The following NOX5 variants were observed in gnomAD, a reference collection of about 807,000 sequenced individuals.
NOX5 encodes the protein NADPH oxidase 5.
A neutral mutation model predicts 85.7 loss-of-function variants in NOX5; 76 were observed. The ratio of observed to expected loss-of-function variants is 0.89; its 90% CI spans 0.74 to 1.07. The LOEUF (loss-of-function observed/expected upper bound fraction) is 1.07, where lower values mean the gene tolerates loss of function less well. NOX5 is among the 50% of genes least tolerant of loss of function. The pLI, the probability that NOX5 is intolerant of heterozygous loss-of-function variation, is 0.00. For synonymous variants in NOX5, 405 were observed against 401.4 expected (o/e 1.01, Z -0.11); for missense variants, 973 against 999.5 (o/e 0.97, Z 0.36).
intron 14 of NOX5, among the ~76,000 whole-genome samples, chr15:69,052,524 A>G (rs1467232714): frequency 6.6e-6 from 1 of 152,238 alleles, no homozygotes; most frequent in Non-Finnish European, 1.5e-5. Flanking sequence ...GAATTGGCAT[A>G]GTGTTTTAGA....
At position 69,049,457 on chromosome 15, in the gene NOX5, G is replaced by A. The variant is rs547028690; in HGVS notation, c.1999+399G>A. Among the ~76,000 whole-genome samples the A allele has an allele frequency of 2.5e-4, 38 of 152,044 alleles. No homozygotes were observed. In the South Asian group the frequency reaches 7.9e-3, roughly 32 times the overall value. The stretch of plus-strand genomic sequence containing the variant: ...ATTCCATTTCTGGAGAAGTAGGATG[G>A]GGGGAGATTCTATTAAAATGTAACA... On this transcript the variant is annotated intron_variant, in intron 14 of 15. Coordinates refer to ENST00000388866, the MANE Select transcript of NOX5 (RefSeq NM_024505.4).
In NOX5 at chr15:69,061,111, T is replaced by A. The variant is rs2050867233; in HGVS notation, c.*4415T>A. 2.0e-5 allele frequency: 3 copies of A among 152,288 alleles called. No individual in the cohort carries two copies. The South Asian group carries it at 6.2e-4, about 31-fold the overall frequency. 9.4% of individuals were successfully genotyped at this position (152,288 alleles called of 1,614,324 possible). A position where few individuals can be genotyped will look rare whatever the true frequency, so the allele number is the denominator to read the frequency against. On this transcript the variant is annotated 3_prime_UTR_variant, in exon 16 of 16. Transcript: ENST00000388866. ...ATGTGATATTTTACTTTTTAATTTA[T>A]GTACTTTTGTATGGCTTGTATCTAT...
intron 14 of NOX5, among the ~76,000 whole-genome samples, 190 bp from the exon 15 acceptor site, chr15:69,055,144 T>G (rs947633206): frequency 6.6e-6 from 1 of 152,220 alleles, no homozygotes; most frequent in African/African-American, 2.4e-5. Context: ...ATGTGTGCCA[T>G]GTACATAGTA....
At chr15:69,031,852 C>A in intron 4 of NOX5, 40 bp downstream of exon 4, 1 of 1,553,502 alleles carries the variant, frequency 6.4e-7, no homozygotes, top group Non-Finnish European at 8.8e-7. Flanking sequence ...TCCACGGCGG[C>A]GTTAGACTCC....
chr15:69,049,108 C>T, intron 14 of NOX5, 50 bp downstream of exon 14: 1 of 1,200,534 alleles, frequency 8.3e-7, no homozygotes, highest in Non-Finnish European at 1.2e-6. Context: ...CAGGGGCCTT[C>T]AGCTTCTTTA....
chr15:69,027,007 T>C (rs1282692654), intron 2 of NOX5, among the ~76,000 whole-genome samples: 10 of 152,190 alleles, frequency 6.6e-5, no homozygotes, highest in African/African-American at 2.4e-4. Context: ...TGGCACACTG[T>C]TCCCAGTCCT....
chr15:69,056,796 A>C lies in NOX5; in HGVS notation c.*100A>C. The C allele has an allele frequency of 6.9e-7, 1 of 1,452,300 alleles. No individual in the cohort carries two copies. The allele number at this position is 1,452,300 out of a possible 1,614,324, so 90.0% of individuals were successfully genotyped here. On this transcript the variant is annotated 3_prime_UTR_variant, in exon 16 of 16. Coordinates refer to ENST00000388866, the MANE Select transcript of NOX5 (RefSeq NM_024505.4). Reference sequence around the variant, plus strand: ...GGGACCAGCCTCAGATGACCCACCCAATAAGACAAAGCCTAGGGACCCCCT... The same window carrying C: ...GGGACCAGCCTCAGATGACCCACCCCATAAGACAAAGCCTAGGGACCCCCT...
intron 7 of NOX5, 115 bp from the exon 8 acceptor site, chr15:69,036,911 GGA>G: frequency 3.7e-6 from 3 of 805,868 alleles, no homozygotes; most frequent in Non-Finnish European, 4.1e-6. Flanking sequence ...TCCATCCCCG[GGA>G]GAGAGTCAAG....
intron 11 of NOX5, chr15:69,047,198 C>G (rs2050684756): frequency 1.6e-6 from 1 of 629,670 alleles, no homozygotes; most frequent in African/African-American, 1.8e-5. Context: ...TTCACTAGCT[C>G]TGCACTGTAA....
At chr15:69,045,120 G>A (rs2050645624) in intron 10 of NOX5, among the ~76,000 whole-genome samples, 1 of 152,236 alleles carries the variant, frequency 6.6e-6, no homozygotes, top group African/African-American at 2.4e-5. Flanking sequence ...GGGATCGTGG[G>A]TCCTTGCAAC....
At chr15:69,047,743 C>A in intron 12 of NOX5, 87 bp from the exon 13 acceptor site, 2 of 1,457,192 alleles carry the variant, frequency 1.4e-6, no homozygotes, top group Non-Finnish European at 1.9e-6. Context: ...GCCACCCCAT[C>A]CTTGCTCCCT....
At chr15:69,020,046 T>C (rs911944529) in intron 1 of NOX5, among the ~76,000 whole-genome samples, 1 of 152,254 alleles carries the variant, frequency 6.6e-6, no homozygotes, top group Non-Finnish European at 1.5e-5. Context: ...TATCTTTTGC[T>C]ACTTTCCATT....
At chr15:69,045,536 T>TTTTCTTTTCTTTCTTTCTTTCTTTC in intron 10 of NOX5, among the ~76,000 whole-genome samples, 1 of 94,560 alleles carries the variant, frequency 1.1e-5, no homozygotes, top group South Asian at 4.4e-4. Context: ...TTCCTTTCTT[T>TTTTCTTTTCTTTCTTTCTTTCTTTC]TTTCTTTCTT....
At position 69,038,902 on chromosome 15, in the gene NOX5, C is replaced by G. The variant is rs1405520398; in HGVS notation, c.1417C>G (p.Pro473Ala). 6.2e-7 allele frequency: 1 copy of G among 1,613,970 alleles called. No homozygotes were observed. Among genetic ancestry groups the G allele is most frequent in the Non-Finnish European group, 8.5e-7 (1 of 1,180,000 alleles). Residue 473 changes from proline (P) to alanine (A), a missense_variant, in exon 9 of 16, where the codon CCT (proline) becomes GCT (alanine). Transcript: ENST00000388866. ...GCGGCCCCCTTTTTTTCACTATAGACCTGGTGACTACTTGTATCTGAACAT... is the reference window on the plus strand; with the variant it reads ...GCGGCCCCCTTTTTTTCACTATAGAGCTGGTGACTACTTGTATCTGAACAT... Reference protein sequence around the residue: ...IKRPPFFHYRPGDYLYLNIPT... With the variant: ...IKRPPFFHYRAGDYLYLNIPT...
intron 8 of NOX5, 47 bp downstream of exon 8, chr15:69,037,257 G>T: frequency 6.4e-7 from 1 of 1,559,084 alleles, no homozygotes; most frequent in South Asian, 1.2e-5. Flanking sequence ...TCACCCCAAG[G>T]GACAGTTTGT....
At position 69,047,521 on chromosome 15, in the gene NOX5, C is replaced by T. The variant is rs2050690587; in HGVS notation, c.1801C>T (p.Gln601Ter). 1.9e-6 allele frequency: 3 copies of T among 1,613,800 alleles called. No individual in the cohort carries two copies. The highest frequency in any genetic ancestry group is 2.5e-6 in the Non-Finnish European group (3 of 1,179,940). ...CATCACCCCCTTTGCTTCCATTCTG[C>T]AGAGTATCATGTACAGGTGGGTGAA... ...IGITPFASIL[Q>*]SIMYRHQKRK... Residue 601 changes from glutamine (Q) to a stop codon, truncating the protein, a stop_gained, in exon 12 of 16, where the codon CAG becomes TAG. Coordinates refer to ENST00000388866, the MANE Select transcript of NOX5 (RefSeq NM_024505.4). LOFTEE classifies it high-confidence loss of function.
At chr15:69,052,295 T>C (rs1342592491) in intron 14 of NOX5, among the ~76,000 whole-genome samples, 1 of 152,186 alleles carries the variant, frequency 6.6e-6, no homozygotes, top group African/African-American at 2.4e-5. Context: ...GCCTAAGTGT[T>C]TGCTGTATTC....
intron 5 of NOX5, among the ~76,000 whole-genome samples, chr15:69,034,472 A>G (rs952051032): frequency 1.3e-5 from 2 of 152,210 alleles, no homozygotes; most frequent in African/African-American, 4.8e-5. Flanking sequence ...TACTAACACA[A>G]CTGTTAATCT....
chr15:69,026,354 G>A (rs1159309142), intron 1 of NOX5, among the ~76,000 whole-genome samples, 174 bp from the exon 2 acceptor site: 1 of 152,184 alleles, frequency 6.6e-6, no homozygotes, highest in Non-Finnish European at 1.5e-5. Flanking sequence ...GGCATAGGGA[G>A]GAGGAGAAAC....
Sources: gnomAD v4.1 joint callset for allele counts (sites outside exome capture counted in the v4.1 genomes callset) on GRCh38, gnomAD v4.1.1 for gene constraint, MANE v1.5 for transcripts, NCBI Gene and HGNC (gene_info 2026-07-23, HGNC 2026-07-21) for gene names.